The following TOP1MT variants were observed in gnomAD, a reference collection of about 807,000 sequenced individuals.
The protein encoded by TOP1MT is DNA topoisomerase I, mitochondrial.
Under a neutral mutation model 73.9 loss-of-function variants are expected in TOP1MT, and 80 were observed. The ratio of observed to expected loss-of-function variants is 1.08; its 90% CI spans 0.90 to 1.30. The LOEUF (loss-of-function observed/expected upper bound fraction) is 1.30, where lower values mean the gene tolerates loss of function less well. Ranked by LOEUF, TOP1MT falls within the 50% of genes most tolerant of loss-of-function variation. The probability of loss-of-function intolerance (pLI) is 0.00; values close to 1 mark genes in which losing one functional copy is unlikely to be tolerated. For missense variants in TOP1MT, 815 were observed against 808.0 expected, an observed-to-expected ratio of 1.01 and a Z score of -0.10; for synonymous variants, 338 against 326.4, an observed-to-expected ratio of 1.04 and a Z score of -0.38.
intron 1 of TOP1MT, among the ~76,000 whole-genome samples, chr8:143,332,279 C>T (rs1816878496): frequency 6.6e-6 from 1 of 152,166 alleles, no homozygotes; most frequent in Non-Finnish European, 1.5e-5. Flanking sequence ...CGAGATGGGG[C>T]GTGGCTGGCA....
chr8:143,310,734 C>T (rs1397424920), intron 12 of TOP1MT, among the ~76,000 whole-genome samples: 2 of 152,184 alleles, frequency 1.3e-5, no homozygotes, highest in Admixed American at 6.5e-5. Flanking sequence ...CTCGAATGTG[C>T]GTGGAAAGAC....
chr8:143,343,731 CAG>C (rs760815094), intron 1 of TOP1MT: 1 of 160,270 alleles, frequency 6.2e-6, no homozygotes, highest in Non-Finnish European at 1.4e-5. Flanking sequence ...CCACATTGAA[CAG>C]AGAGAGGAAC....
At chr8:143,348,866 G>A (rs550828921), upstream of TOP1MT, among the ~76,000 whole-genome samples, 10 of 152,182 alleles carry the variant, frequency 6.6e-5, no homozygotes, top group East Asian at 9.7e-4. This position sits in a 1 kb window ranked among gnomAD's most constrained non-coding sequence, Gnocchi z 4.6. Context: ...AGCCCAGCCC[G>A]GCCAGCGTAC....
rs758422937 is a variant in TOP1MT, at chr8:143,334,826, A to C, written c.36T>G (p.Ala12=). Residue 12 remains alanine, a synonymous_variant, in exon 1 of 14, where the codon GCT becomes GCG. Coordinates refer to ENST00000329245, the MANE Select transcript of TOP1MT (RefSeq NM_052963.3). ...GGGGGACCTCCCCGAGCAGCGTCAG[A>C]GCCGCCCGGAGCCGCAGCAGCCGCA... is the stretch of plus-strand genomic sequence containing the variant. ...RVVRLLRLRA[A]LTLLGEVPRR... is the part of the protein sequence containing the mutation. 1 of 1,520,720 alleles carries C rather than the reference A, an allele frequency of 6.6e-7. No homozygotes were observed. The highest frequency in any genetic ancestry group is 1.7e-5 in the African/African-American group (1 of 57,236). 94.2% of individuals were successfully genotyped at this position (1,520,720 alleles called of 1,614,324 possible). A position where few individuals can be genotyped will look rare whatever the true frequency, so the allele number is the denominator to read the frequency against.
At chr8:143,324,316 T>A (rs904905449) in intron 6 of TOP1MT, among the ~76,000 whole-genome samples, 169 bp downstream of exon 6, 1 of 152,168 alleles carries the variant, frequency 6.6e-6, no homozygotes, top group Non-Finnish European at 1.5e-5. Flanking sequence ...CCATGCCCAC[T>A]CCTGGCTTTG....
At chr8:143,323,046 G>A (rs1399998861) in intron 7 of TOP1MT, among the ~76,000 whole-genome samples, 10 of 29,240 alleles carry the variant, frequency 3.4e-4, no homozygotes, top group Admixed American at 5.8e-4. Context: ...ACGCCACACA[G>A]GCACGCCACA....
chr8:143,322,632 ACACACACACGC>A (rs1304270922), intron 7 of TOP1MT, among the ~76,000 whole-genome samples: 7 of 35,958 alleles, frequency 1.9e-4, no homozygotes, highest in African/African-American at 1.9e-3. Flanking sequence ...CAGGCACGTC[ACACACACACGC>A]CACACGCACA....
intron 1 of TOP1MT, among the ~76,000 whole-genome samples, chr8:143,333,581 C>T (rs565635526): frequency 1.3e-5 from 2 of 152,356 alleles, no homozygotes; most frequent in South Asian, 2.1e-4. Context: ...AACAACCTGC[C>T]GGCCAGCGGC....
chr8:143,341,657 C>A lies in TOP1MT; in HGVS notation c.29+1563G>T, dbSNP rs956511749. Among the ~76,000 whole-genome samples the A allele has an allele frequency of 4.6e-5, 7 of 152,196 alleles. No individual in the cohort carries two copies. The highest frequency in any genetic ancestry group is 1.7e-4 in the African/African-American group (7 of 41,448). The stretch of plus-strand genomic sequence containing the variant: ...AGGAGCAGAAACCAAGGGCAATGAA[C>A]AAAGGAGCCAGGGGTCAGCTTGGGG... On this transcript the variant is annotated intron_variant, in intron 2 of 5. Transcript: ENST00000518007. The surrounding 1 kb of genome is among the most constrained non-coding windows in gnomAD (Gnocchi z 4.1).
chr8:143,353,590 T>C (rs1817355720), intron 1 of TOP1MT, among the ~76,000 whole-genome samples: 1 of 152,026 alleles, frequency 6.6e-6, no homozygotes, highest in Non-Finnish European at 1.5e-5. Context: ...AGAATGGCCA[T>C]AATGAAAAAG....
At position 143,317,790 on chromosome 8, in the gene TOP1MT, C is replaced by T. The variant is rs761546955; in HGVS notation, c.1263G>A (p.Thr421=). 5.0e-5 allele frequency: 81 copies of T among 1,614,070 alleles called. No homozygotes were observed. Among genetic ancestry groups the T allele is most frequent in the South Asian group, 2.0e-4 (18 of 91,096 alleles). The change falls in exon 10 of 14, where the codon ACG becomes ACA. Residue 421 remains threonine, a synonymous_variant. Transcript: ENST00000329245. ...KHLQELMDGL[T]AKVFRTYNAS... is the part of the protein sequence containing the mutation. The stretch of plus-strand genomic sequence containing the variant: ...CGTTGTAGGTCCGGAACACCTTGGC[C>T]GTCAGCCCGTCCATCAGCTCCTGGA...
intron 8 of TOP1MT, 61 bp downstream of exon 8, chr8:143,321,140 C>G: frequency 6.7e-7 from 1 of 1,482,532 alleles, no homozygotes; most frequent in Non-Finnish European, 9.1e-7. Flanking sequence ...CCGGCACGCC[C>G]CCAGACATCC....
intron 1 of TOP1MT, among the ~76,000 whole-genome samples, chr8:143,355,058 T>C (rs1009775807): frequency 3.9e-5 from 6 of 152,336 alleles, no homozygotes; most frequent in African/African-American, 1.4e-4. Flanking sequence ...GTGTGGCCCG[T>C]GCACCGCCTG....
intron 3 of TOP1MT, chr8:143,327,693 G>A (rs1816744568): frequency 2.5e-6 from 1 of 394,882 alleles, no homozygotes; most frequent in Non-Finnish European, 5.0e-6. Flanking sequence ...TGACCAGAGG[G>A]AGAATGAGGA....
At chr8:143,316,401 C>T (rs565502635) in intron 10 of TOP1MT, among the ~76,000 whole-genome samples, 95 of 148,102 alleles carry the variant, frequency 6.4e-4, no homozygotes, top group African/African-American at 2.3e-3. Flanking sequence ...AAGGAGGAGG[C>T]CCAGCCGCCT....
chr8:143,311,867 T>G (rs1019040115), intron 12 of TOP1MT, among the ~76,000 whole-genome samples: 4 of 152,162 alleles, frequency 2.6e-5, no homozygotes, highest in African/African-American at 9.7e-5. Flanking sequence ...ACCAGCCAGT[T>G]AGACACCCTA....
chr8:143,332,055 A>G (rs13277428), intron 1 of TOP1MT, among the ~76,000 whole-genome samples: 10,205 of 128,766 alleles, frequency 0.079, 456 homozygotes, highest in South Asian at 0.1. Flanking sequence ...AGCTCTGGAG[A>G]TTGGGGGGGT....
chr8:143,315,842 C>T (rs1193821928), intron 11 of TOP1MT, 21 bp from the exon 12 acceptor site: 1 of 1,612,074 alleles, frequency 6.2e-7, no homozygotes, highest in South Asian at 1.1e-5. Flanking sequence ...AGGGTCCAGA[C>T]AGGGCTGCCC....
intron 7 of TOP1MT, among the ~76,000 whole-genome samples, chr8:143,322,747 G>A (rs1309010937): frequency 9.1e-4 from 6 of 6,572 alleles, no homozygotes; most frequent in East Asian, 6.5e-3. Flanking sequence ...CGCCACACAC[G>A]CACGCACGCC....
Sources: allele counts gnomAD v4.1 joint callset (sites outside exome capture counted in the v4.1 genomes callset), GRCh38; gene constraint gnomAD v4.1.1; non-coding constraint Gnocchi (gnomAD v3.1); transcripts MANE v1.5; gene names NCBI Gene and HGNC (gene_info 2026-07-23, HGNC 2026-07-21).